ZNF320: variants seen among roughly 807,000 people sequenced by gnomAD.
ZNF320 encodes the protein zinc finger gene 320.
ZNF320 carries 2 observed loss-of-function variants against 6.8 expected under a neutral mutation model. The ratio of observed to expected loss-of-function variants is 0.29; its 90% CI spans 0.12 to 0.93. ZNF320 has a LOEUF of 0.93. Among genes scored for constraint, ZNF320 ranks in the 40% least tolerant of loss-of-function variants. The pLI, the probability that ZNF320 is intolerant of heterozygous loss-of-function variation, is 0.55. For missense variants in ZNF320, 472 were observed against 611.0 expected (o/e 0.77, Z 2.40); for synonymous variants, 208 against 203.2 (o/e 1.02, Z -0.20).
At chr19:52,865,063 T>C (rs1352348463) in intron 5 of ZNF320, among the ~76,000 whole-genome samples, 1 of 152,024 alleles carries the variant, frequency 6.6e-6, no homozygotes, top group East Asian at 1.9e-4. Flanking sequence ...GGCTCATGCC[T>C]GCAATCCTGG....
the ZNF320 span, among the ~76,000 whole-genome samples, chr19:52,903,396 T>C: frequency 6.7e-6 from 1 of 150,152 alleles, no homozygotes; most frequent in Non-Finnish European, 1.5e-5. Context: ...CAGCCACTTA[T>C]GCTGCTGTTC....
chr19:52,874,182 G>A (rs1162120789), downstream of ZNF320: 3 of 212,218 alleles, frequency 1.4e-5, no homozygotes, highest in African/African-American at 7.1e-5. Context: ...GCCCTCTGCT[G>A]CCCACTACAC....
At position 52,876,694 on chromosome 19, in the gene ZNF320, G is replaced by GTTTGA. The variant is rs1568703833; in HGVS notation, c.*3901_*3902insTCAAA. 6.6e-6 allele frequency: 1 copy of GTTTGA among 152,090 alleles called. No homozygotes were observed. The highest frequency in any genetic ancestry group is 2.4e-5 in the African/African-American group (1 of 41,424). The allele number at this position is 152,090 out of a possible 1,614,324, so 9.4% of individuals were successfully genotyped here. A position where few individuals can be genotyped will look rare whatever the true frequency, so the allele number is the denominator to read the frequency against. On this transcript the variant is annotated 3_prime_UTR_variant, in exon 6 of 6. Coordinates refer to ENST00000682928, the MANE Select transcript of ZNF320 (RefSeq NM_001351774.2). ...TATATTTTGGTCAAAACGAGGATTC[G>GTTTGA]CCATGTTAGCCAGGCTGTTCTCAAA... is the stretch of plus-strand genomic sequence containing the variant.
In ZNF320 at chr19:52,884,474, T is replaced by C. The variant is rs117044943; in HGVS notation, c.143-2491A>G. 6.9e-4 allele frequency among the ~76,000 whole-genome samples: 105 copies of C among 152,270 alleles called. No homozygotes were observed. The East Asian group carries it at 9.9e-3, about 14-fold the overall frequency. On this transcript the variant is annotated intron_variant, in intron 5 of 5. Transcript: ENST00000682928. ...CTGGGATTATAGGCGCAAGTCACCA[T>C]GCACAGCTGGTTTTTGTGGTTTTAG...
downstream of ZNF320, among the ~76,000 whole-genome samples, chr19:52,875,644 G>A (rs1422686628): frequency 6.6e-6 from 1 of 152,066 alleles, no homozygotes; most frequent in Non-Finnish European, 1.5e-5. Flanking sequence ...AGCCAGGCGT[G>A]GTGGTGTGCA....
At position 52,881,816 on chromosome 19, in the gene ZNF320, C is replaced by T. The variant is rs778449684; in HGVS notation, c.310G>A (p.Asp104Asn). The change falls in exon 6 of 6, where the codon GAT becomes AAT. Residue 104 changes from aspartate to asparagine, a missense_variant. Transcript: ENST00000682928. ...GGTGCTTCATGGTCATTTGTTTCAT[C>T]TTCTTGCCACTGAAACACAAAGTCA... ...IHDFVFQWQE[D>N]ETNDHEAPMT... 3.1e-6 allele frequency: 5 copies of T among 1,613,804 alleles called. No homozygotes were observed. The highest frequency in any genetic ancestry group is 3.4e-6 in the Non-Finnish European group (4 of 1,179,830).
downstream of ZNF320, among the ~76,000 whole-genome samples, chr19:52,872,354 G>C (rs1017797324): frequency 1.3e-5 from 2 of 152,160 alleles, no homozygotes; most frequent in African/African-American, 4.8e-5. Flanking sequence ...CACACCTGTG[G>C]GTATTCCTCA....
At chr19:52,868,051 C>T (rs1257969649) in intron 5 of ZNF320, among the ~76,000 whole-genome samples, 3 of 77,092 alleles carry the variant, frequency 3.9e-5, no homozygotes, top group Admixed American at 1.0e-4. Flanking sequence ...AGCCAGTCTA[C>T]GCCGTTTCTG....
chr19:52,863,116 T>C (rs1341387421), exon 6 of ZNF320, among the ~76,000 whole-genome samples: 1 of 152,080 alleles, frequency 6.6e-6, no homozygotes, highest in African/African-American at 2.4e-5. Flanking sequence ...CACACCACCA[T>C]GCCTGGCTAA....
At chr19:52,897,651 C>T (rs530163639), upstream of ZNF320, 253 of 152,604 alleles carry the variant, frequency 1.7e-3, 1 homozygote, top group Non-Finnish European at 2.3e-3. Flanking sequence ...AACTCACGCG[C>T]TGTGGTGTGA....
downstream of ZNF320, among the ~76,000 whole-genome samples, chr19:52,875,777 C>T (rs950317242): frequency 6.7e-6 from 1 of 148,974 alleles, no homozygotes; most frequent in African/African-American, 2.5e-5. Context: ...GACACTCCAT[C>T]TCAAAAAAAG....
At chr19:52,883,664 C>A (rs923894675) in intron 5 of ZNF320, 19 of 453,204 alleles carry the variant, frequency 4.2e-5, no homozygotes, top group African/African-American at 3.6e-4. Context: ...TTTTGGTAGG[C>A]TGAGTCGGGT....
exon 6 of ZNF320, chr19:52,861,805 C>T: frequency 2.7e-6 from 1 of 368,044 alleles, no homozygotes; most frequent in Non-Finnish European, 5.4e-6. Context: ...CAAGGAGTGA[C>T]CTCAGACTGA....
At chr19:52,897,153 G>A (rs1327642694) in intron 1 of ZNF320, among the ~76,000 whole-genome samples, 2 of 152,218 alleles carry the variant, frequency 1.3e-5, no homozygotes, top group East Asian at 1.9e-4. Flanking sequence ...GCATATATTC[G>A]TTTTCCAGGA....
intron 5 of ZNF320, among the ~76,000 whole-genome samples, chr19:52,870,477 CAAAAA>C (rs35010241): frequency 3.4e-5 from 3 of 89,472 alleles, no homozygotes; most frequent in Admixed American, 1.3e-4. Flanking sequence ...GACTCCGTCT[CAAAAA>C]AAAAAAAAAA....
rs952230938 is a variant in ZNF320 at position 52,878,305 on chromosome 19, A to G, written c.*2291T>C. The G allele has an allele frequency of 1.5e-5, 2 of 136,312 alleles. No individual in the cohort carries two copies. Among genetic ancestry groups the G allele is most frequent in the African/African-American group, 5.8e-5 (2 of 34,586 alleles). 8.4% of individuals were successfully genotyped at this position (136,312 alleles called of 1,614,324 possible). ...CGCTCTGTCACCCAGGCTGGAGTGC[A>G]GTAGCATGATCTCTGCTCATGGCAA... On this transcript the variant is annotated 3_prime_UTR_variant, in exon 6 of 6. Coordinates refer to ENST00000682928, the MANE Select transcript of ZNF320 (RefSeq NM_001351774.2).
chr19:52,875,715 G>A (rs1016405967), downstream of ZNF320, among the ~76,000 whole-genome samples: 1 of 151,884 alleles, frequency 6.6e-6, no homozygotes, highest in Non-Finnish European at 1.5e-5. Context: ...GGGAGGCAGA[G>A]GTTGCAGTGA....
the ZNF320 span, among the ~76,000 whole-genome samples, chr19:52,903,661 A>G: frequency 6.6e-6 from 1 of 151,028 alleles, no homozygotes; most frequent in African/African-American, 2.4e-5. Flanking sequence ...AAATTCTTTA[A>G]CATATTTCTT....
In ZNF320 at chr19:52,878,234, T is replaced by A. The variant is rs2063813493; in HGVS notation, c.*2362A>T. ...GATGGTCTGCCTGCCACTCTGTGCATCACTTTCTTTTTTTTTTTTTTTTTT... is the reference window on the plus strand; with the variant it reads ...GATGGTCTGCCTGCCACTCTGTGCAACACTTTCTTTTTTTTTTTTTTTTTT... On this transcript the variant is annotated 3_prime_UTR_variant, in exon 6 of 6. Coordinates refer to ENST00000682928, the MANE Select transcript of ZNF320 (RefSeq NM_001351774.2). 2 of 149,604 alleles carry A rather than the reference T, an allele frequency of 1.3e-5. No individual in the cohort carries two copies. The highest frequency in any genetic ancestry group is 2.0e-4 in the East Asian group (1 of 5,024). The allele number at this position is 149,604 out of a possible 1,614,324, so 9.3% of individuals were successfully genotyped here. A position where few individuals can be genotyped will look rare whatever the true frequency, so the allele number is the denominator to read the frequency against.
Sources: allele counts gnomAD v4.1 joint callset (sites outside exome capture counted in the v4.1 genomes callset), GRCh38; gene constraint gnomAD v4.1.1; transcripts MANE v1.5; gene names NCBI Gene and HGNC (gene_info 2026-07-23, HGNC 2026-07-21).